Variants in RSPH14 observed in about 807,000 individuals in gnomAD.
The protein encoded by RSPH14 is rhabdoid tumor deletion region gene 1.
Under a neutral mutation model 26.7 loss-of-function variants are expected in RSPH14, and 20 were observed. The ratio of observed to expected loss-of-function variants is 0.75; its 90% CI spans 0.53 to 1.09. RSPH14 has a LOEUF of 1.09. Among genes scored for constraint, RSPH14 ranks in the 50% least tolerant of loss-of-function variants. The pLI is 0.00. For missense variants in RSPH14, 449 were observed against 457.2 expected, an observed-to-expected ratio of 0.98 and a Z score of 0.16; for synonymous variants, 177 against 189.3, an observed-to-expected ratio of 0.93 and a Z score of 0.53.
At chr22:23,154,190 C>T in the RSPH14 span, among the ~76,000 whole-genome samples, 4 of 152,110 alleles carry the variant, frequency 2.6e-5, no homozygotes, top group African/African-American at 7.2e-5. Flanking sequence ...CGGGCCCTCA[C>T]CTCTACTCTC....
intron 6 of RSPH14, among the ~76,000 whole-genome samples, chr22:23,060,003 G>A (rs542286610): frequency 6.6e-6 from 1 of 152,286 alleles, no homozygotes; most frequent in South Asian, 2.1e-4. Context: ...AACATAATGA[G>A]ATTCCATCTC....
intron 4 of RSPH14, among the ~76,000 whole-genome samples, chr22:23,086,434 G>A (rs1212580047): frequency 1.3e-5 from 2 of 152,248 alleles, no homozygotes; most frequent in Non-Finnish European, 2.9e-5. Flanking sequence ...GGGGTGGCAC[G>A]GAGGTGCAGC....
chr22:23,095,695 C>G, intron 4 of RSPH14: 1 of 1,602,506 alleles, frequency 6.2e-7, no homozygotes, highest in Non-Finnish European at 8.5e-7. Context: ...GCTGCCAGAC[C>G]ATGGGATGTC....
At chr22:23,174,633 T>C in the RSPH14 span, among the ~76,000 whole-genome samples, 8 of 151,594 alleles carry the variant, frequency 5.3e-5, no homozygotes, top group Non-Finnish European at 8.8e-5. Flanking sequence ...GCACTCCTTA[T>C]GCGCAGTTTA....
At chr22:23,175,188 C>T in the RSPH14 span, among the ~76,000 whole-genome samples, 4 of 151,926 alleles carry the variant, frequency 2.6e-5, no homozygotes, top group African/African-American at 4.8e-5. Context: ...TTAGTAGAGT[C>T]GGGGTTTCAC....
intron 4 of RSPH14, among the ~76,000 whole-genome samples, chr22:23,079,126 G>A (rs1718818336): frequency 6.6e-6 from 1 of 152,246 alleles, no homozygotes; most frequent in South Asian, 2.1e-4. Context: ...AACAGTCCCT[G>A]CCCTATGGCA....
chr22:23,061,757 G>A (rs543235904), intron 6 of RSPH14, 52 bp downstream of exon 6: 12 of 1,605,286 alleles, frequency 7.5e-6, no homozygotes, highest in South Asian at 1.1e-5. Flanking sequence ...AGCTCATCAC[G>A]GCTGCTAGCC....
At chr22:23,124,768 C>T (rs1023915770) in intron 4 of RSPH14, 1 of 164,430 alleles carries the variant, frequency 6.1e-6, no homozygotes, top group Non-Finnish European at 1.3e-5. Context: ...CTGGGCCTTC[C>T]TGTCCCAGGG....
At chr22:23,159,133 C>G in the RSPH14 span, 2 of 1,606,680 alleles carry the variant, frequency 1.2e-6, no homozygotes, top group Admixed American at 1.7e-5. Flanking sequence ...AGAGCCGGGA[C>G]GCTGGGTCAA....
chr22:23,097,044 G>A (rs976960261), intron 4 of RSPH14, among the ~76,000 whole-genome samples: 2 of 152,324 alleles, frequency 1.3e-5, no homozygotes, highest in Non-Finnish European at 2.9e-5. Context: ...TCTAGCACAC[G>A]AAGGGGGCCA....
intron 4 of RSPH14, chr22:23,122,702 GGT>G (rs2070065151): frequency 3.9e-6 from 1 of 258,822 alleles, no homozygotes; most frequent in Admixed American, 4.8e-5. Flanking sequence ...TCCTTGTACA[GGT>G]GTGGGGCAGC....
the RSPH14 span, among the ~76,000 whole-genome samples, chr22:23,157,450 G>A: frequency 1.3e-5 from 2 of 151,986 alleles, no homozygotes; most frequent in African/African-American, 4.8e-5. Context: ...TAGTAGAGAC[G>A]GGGTTTCACT....
intron 4 of RSPH14, among the ~76,000 whole-genome samples, chr22:23,113,374 C>T (rs945753034): frequency 6.6e-6 from 1 of 152,222 alleles, no homozygotes; most frequent in East Asian, 1.9e-4. Flanking sequence ...CACACACTGG[C>T]TCCCAGCTGC....
At position 23,070,951 on chromosome 22, in the gene RSPH14, G is replaced by A. The variant is rs538176984; in HGVS notation, c.422-6818C>T. 2.8e-3 allele frequency among the ~76,000 whole-genome samples: 427 copies of A among 151,920 alleles called. 1 individual carries two copies. Among genetic ancestry groups the A allele is most frequent in the African/African-American group, 9.8e-3 (406 of 41,276 alleles). Reference sequence around the variant, plus strand: ...GGCGGGCCAGGCGAGCTGCGGGAGCGGCGCTGAGGCGGGTCTCCCTAGGGG... The same window carrying A: ...GGCGGGCCAGGCGAGCTGCGGGAGCAGCGCTGAGGCGGGTCTCCCTAGGGG... On this transcript the variant is annotated intron_variant, in intron 4 of 6. Coordinates refer to ENST00000216036, the MANE Select transcript of RSPH14 (RefSeq NM_014433.3).
At chr22:23,154,323 G>A in the RSPH14 span, among the ~76,000 whole-genome samples, 4 of 152,290 alleles carry the variant, frequency 2.6e-5, no homozygotes, top group Non-Finnish European at 4.4e-5. Context: ...TCCATGCCCT[G>A]CCTGGACTGA....
the RSPH14 span, among the ~76,000 whole-genome samples, chr22:23,164,639 A>C: frequency 0.22 from 34,173 of 152,126 alleles, 7,220 homozygotes; most frequent in East Asian, 0.56. Flanking sequence ...TTGTGGGCCC[A>C]GGCAAGCAGC....
At chr22:23,139,587 C>CT (rs1355266559) in intron 2 of RSPH14, among the ~76,000 whole-genome samples, 1 of 152,220 alleles carries the variant, frequency 6.6e-6, no homozygotes, top group Non-Finnish European at 1.5e-5. Flanking sequence ...TGCCATTGCA[C>CT]TTCAGCCTGG....
chr22:23,104,059 G>A (rs542220873), intron 4 of RSPH14, among the ~76,000 whole-genome samples: 2 of 152,210 alleles, frequency 1.3e-5, no homozygotes, highest in East Asian at 1.9e-4. Context: ...TGGGATGAAC[G>A]TGGGGGTGGT....
At chr22:23,083,586 G>T (rs989642595) in intron 4 of RSPH14, among the ~76,000 whole-genome samples, 2 of 152,172 alleles carry the variant, frequency 1.3e-5, no homozygotes, top group Admixed American at 6.5e-5. Context: ...GGAGGGTAGA[G>T]CAGGAGCCCA....
Sources: allele counts gnomAD v4.1 joint callset (sites outside exome capture counted in the v4.1 genomes callset), GRCh38; gene constraint gnomAD v4.1.1; transcripts MANE v1.5; gene names NCBI Gene and HGNC (gene_info 2026-07-23, HGNC 2026-07-21).